MICALL1: variants seen among roughly 807,000 people sequenced by gnomAD.
The protein encoded by MICALL1 is MICAL like 1.
Under a neutral mutation model 83.7 loss-of-function variants are expected in MICALL1, and 61 were observed. The ratio of observed to expected loss-of-function variants is 0.73; its 90% CI spans 0.59 to 0.90. The LOEUF is 0.90. MICALL1 is among the 40% of genes least tolerant of loss of function. The pLI is 0.00. For synonymous variants in MICALL1, 481 were observed against 473.6 expected, an observed-to-expected ratio of 1.02 and a Z score of -0.20; for missense variants, 1,066 against 1,152.0, an observed-to-expected ratio of 0.93 and a Z score of 1.08.
Position 37,919,156 on chromosome 22 carries a change from C to G in MICALL1, c.547C>G (p.Leu183Val), listed in dbSNP as rs1480285132. ...GCAGCGCTACCTGGCTGACGGCAGG[C>G]TGTACCATCGCCACTGCTTCCGGTG... is the stretch of plus-strand genomic sequence containing the variant. ...LVQRYLADGR[L>V]YHRHCFRCRR... Residue 183 changes from leucine (L) to valine (V), a missense_variant, in exon 5 of 16, where the codon CTG (leucine) becomes GTG (valine). Leu to Val is a conservative substitution (Grantham distance 32). Coordinates refer to ENST00000215957, the MANE Select transcript of MICALL1 (RefSeq NM_033386.4). The G allele has an allele frequency of 1.5e-5, 23 of 1,545,936 alleles. No individual in the cohort carries two copies. The highest frequency in any genetic ancestry group is 1.9e-5 in the Non-Finnish European group (22 of 1,143,684).
In MICALL1 at chr22:37,937,212, G is replaced by A. The variant is rs747089778; in HGVS notation, c.2423+18G>A. On this transcript the variant is annotated intron_variant, in intron 14 of 15. Transcript: ENST00000215957. The stretch of plus-strand genomic sequence containing the variant: ...CGGCAGAGGTGACATGGCCAGGGGT[G>A]GGGGGTCCTGGGGGCAGGGCCAGAG... The A allele has an allele frequency of 3.9e-5, 60 of 1,533,660 alleles. No homozygotes were observed. The Admixed American group carries it at 1.1e-3, about 28-fold the overall frequency.
chr22:37,941,797 C>G lies in MICALL1; in HGVS notation c.*967C>G, dbSNP rs1930452019. ...CCGAAGGCCTGATGGCTACTCACCC[C>G]TCTGGGATGGCTATGGGAGAGGAGG... is the stretch of plus-strand genomic sequence containing the variant. On this transcript the variant is annotated 3_prime_UTR_variant, in exon 16 of 16. Coordinates refer to ENST00000215957, the MANE Select transcript of MICALL1 (RefSeq NM_033386.4). The G allele has an allele frequency of 6.6e-6, 1 of 152,452 alleles. No homozygotes were observed. The highest frequency in any genetic ancestry group is 2.1e-4 in the South Asian group (1 of 4,836). 9.4% of individuals were successfully genotyped at this position (152,452 alleles called of 1,614,324 possible). A position where few individuals can be genotyped will look rare whatever the true frequency, so the allele number is the denominator to read the frequency against.
Position 37,922,313 on chromosome 22 carries a change from C to A in MICALL1, c.911C>A (p.Ala304Asp). 6.5e-7 allele frequency: 1 copy of A among 1,536,028 alleles called. No homozygotes were observed. The highest frequency in any genetic ancestry group is 2.4e-5 in the East Asian group (1 of 41,092). ...CCCCCTGCGGGCCGCCCCACCCCTGCCCCCAGGAAGGCCTCTGAGAGCACC... is the reference window on the plus strand; with the variant it reads ...CCCCCTGCGGGCCGCCCCACCCCTGACCCCAGGAAGGCCTCTGAGAGCACC... ...ASPPAGRPTPAPRKASESTTP... is the reference protein window; with the variant it reads ...ASPPAGRPTPDPRKASESTTP... Residue 304 changes from alanine (A) to aspartate (D), a missense_variant, in exon 6 of 16, where the codon GCC (alanine) becomes GAC (aspartate). Coordinates refer to ENST00000215957, the MANE Select transcript of MICALL1 (RefSeq NM_033386.4).
intron 15 of MICALL1, among the ~76,000 whole-genome samples, chr22:37,939,308 C>T (rs569057385): frequency 1.1e-4 from 17 of 152,244 alleles, no homozygotes; most frequent in Admixed American, 3.3e-4. Context: ...AGCTGAGGGC[C>T]CTGGCCCTAC....
In MICALL1 at chr22:37,922,062, G is replaced by T; in HGVS notation, c.660G>T (p.Arg220Ser). 1.2e-6 allele frequency: 2 copies of T among 1,613,454 alleles called. No homozygotes were observed. Among genetic ancestry groups the T allele is most frequent in the Non-Finnish European group, 1.7e-6 (2 of 1,180,016 alleles). The change falls in exon 6 of 16, where the codon AGG (arginine) becomes AGT (serine). Residue 220 changes from arginine (R) to serine (S), a missense_variant. Physicochemically the swap from Arg to Ser is moderately radical, Grantham distance 110. Coordinates refer to ENST00000215957, the MANE Select transcript of MICALL1 (RefSeq NM_033386.4). ...GTFVCAEHCA[R>S]LGPGTRSGTR... is the part of the protein sequence containing the mutation. ...TTGTGTGTGCAGAACACTGTGCCAGGCTGGGCCCGGGGACACGGTCGGGGA... is the reference window on the plus strand; with the variant it reads ...TTGTGTGTGCAGAACACTGTGCCAGTCTGGGCCCGGGGACACGGTCGGGGA...
intron 3 of MICALL1, 147 bp downstream of exon 3, chr22:37,912,639 A>G (rs1206286743): frequency 5.5e-6 from 4 of 721,718 alleles, no homozygotes; most frequent in African/African-American, 1.8e-5. Context: ...ACTCATTGAA[A>G]TATTTCTTTT....
chr22:37,910,684 CTCTT>C (rs1928261610), intron 1 of MICALL1, among the ~76,000 whole-genome samples: 1 of 152,184 alleles, frequency 6.6e-6, no homozygotes, highest in Non-Finnish European at 1.5e-5. Flanking sequence ...CCTCAAGCAA[CTCTT>C]TCCTGCCCAG....
In MICALL1 at chr22:37,919,097, C is replaced by T. The variant is rs368318202; in HGVS notation, c.488C>T (p.Thr163Met). The T allele has an allele frequency of 1.7e-5, 27 of 1,551,986 alleles. No homozygotes were observed. The highest frequency in any genetic ancestry group is 9.5e-5 in the South Asian group (8 of 84,168). The change falls in exon 5 of 16, where the codon ACG becomes ATG. Residue 163 changes from threonine (T) to methionine (M), a missense_variant. By Grantham distance (81) the Thr-to-Met change is moderately conservative. Coordinates refer to ENST00000215957, the MANE Select transcript of MICALL1 (RefSeq NM_033386.4). Reference protein sequence around the residue: ...EQGTGQTPSSTCAACQQHVHL... With the variant: ...EQGTGQTPSSMCAACQQHVHL... The stretch of plus-strand genomic sequence containing the variant: ...GGCACCGGCCAGACCCCCAGCAGCA[C>T]GTGCGCAGCCTGCCAGCAGCATGTG...
intron 2 of MICALL1, 56 bp downstream of exon 2, chr22:37,912,056 T>G: frequency 6.3e-7 from 1 of 1,591,814 alleles, no homozygotes; most frequent in Non-Finnish European, 8.6e-7. Flanking sequence ...TGTGTGTGTG[T>G]GTGTGTGTTT....
At chr22:37,920,344 T>C (rs566705227) in intron 5 of MICALL1, among the ~76,000 whole-genome samples, 1 of 151,950 alleles carries the variant, frequency 6.6e-6, no homozygotes, top group Non-Finnish European at 1.5e-5. Flanking sequence ...AGTGTGCCCC[T>C]GAGTGGGGGG....
chr22:37,908,596 G>C (rs1034995709), intron 1 of MICALL1, among the ~76,000 whole-genome samples: 1 of 152,056 alleles, frequency 6.6e-6, no homozygotes, highest in Non-Finnish European at 1.5e-5. Context: ...CACCATGCCT[G>C]GCCCAATAAC....
chr22:37,915,575 A>G (rs916886181), intron 3 of MICALL1, among the ~76,000 whole-genome samples: 8 of 151,936 alleles, frequency 5.3e-5, no homozygotes, highest in Non-Finnish European at 1.2e-4. Context: ...CACCCATCTC[A>G]CAGGGTTGAC....
intron 8 of MICALL1, 50 bp downstream of exon 8, chr22:37,926,093 G>A (rs757209246): frequency 2.5e-5 from 38 of 1,522,882 alleles, no homozygotes; most frequent in Non-Finnish European, 3.4e-5. Context: ...CGGGGGTGGG[G>A]CCCGGGCCTG....
chr22:37,922,248 C>T lies in MICALL1; in HGVS notation c.846C>T (p.Thr282=). The T allele has an allele frequency of 8.8e-6, 14 of 1,597,378 alleles. No individual in the cohort carries two copies. The highest frequency in any genetic ancestry group is 1.2e-5 in the Non-Finnish European group (14 of 1,172,600). ...CTGAGGCCCGGCCGCAGATCCCTAC[C>T]AAGCCCCGGGTTCCTGGCAAACTAC... ...ASPEARPQIP[T]KPRVPGKLQE... is the part of the protein sequence containing the mutation. Residue 282 remains threonine (T), a synonymous_variant, in exon 6 of 16, where the codon ACC becomes ACT. Transcript: ENST00000215957.
Position 37,925,934 on chromosome 22 carries a change from C to A in MICALL1, c.1356C>A (p.His452Gln), listed in dbSNP as rs755149043. The change falls in exon 8 of 16, where the codon CAC (histidine) becomes CAA (glutamine). Residue 452 changes from histidine to glutamine, a missense_variant. His to Gln is a conservative substitution (Grantham distance 24). Transcript: ENST00000215957. The stretch of plus-strand genomic sequence containing the variant: ...TGGCCACCAGCCCTGCCCTGGGCCA[C>A]CCGGAGTCCACACCCAAGTCCCTGC... ...PSLATSPALG[H>Q]PESTPKSLHP... 2.2e-5 allele frequency: 35 copies of A among 1,613,232 alleles called. No individual in the cohort carries two copies. In the Middle Eastern group the frequency reaches 6.6e-4, roughly 30 times the overall value.
chr22:37,928,511 G>A (rs930269987), intron 9 of MICALL1, among the ~76,000 whole-genome samples: 3 of 152,172 alleles, frequency 2.0e-5, no homozygotes, highest in Non-Finnish European at 4.4e-5. Flanking sequence ...CGGCTGTCTA[G>A]GGCCTTTTCT....
In MICALL1 at chr22:37,906,530, C is replaced by G. The variant is rs1927952511; in HGVS notation, c.108C>G (p.Ala36=). 3 of 1,229,844 alleles carry G rather than the reference C, an allele frequency of 2.4e-6. No homozygotes were observed. Among genetic ancestry groups the G allele is most frequent in the Admixed American group, 4.0e-5 (1 of 25,274 alleles). 76.2% of individuals were successfully genotyped at this position (1,229,844 alleles called of 1,614,324 possible). ...GCAGCTCCTTCCGGGACGGCCTGGCCTTCTGCGCCATCCTGCACCGGCACC... is the reference window on the plus strand; with the variant it reads ...GCAGCTCCTTCCGGGACGGCCTGGCGTTCTGCGCCATCCTGCACCGGCACC... The part of the protein sequence containing the change: ...DLSSSFRDGL[A]FCAILHRHRP... The change falls in exon 1 of 16, where the codon GCC becomes GCG. Residue 36 remains alanine (A), a synonymous_variant. Transcript: ENST00000215957. The surrounding 1 kb of genome is among the most constrained non-coding windows in gnomAD (Gnocchi z 4.4).
Position 37,927,494 on chromosome 22 carries a change from G to C in MICALL1, c.1549G>C (p.Glu517Gln), listed in dbSNP as rs1415694496. Residue 517 changes from glutamate to glutamine, a missense_variant, in exon 9 of 16, where the codon GAG becomes CAG. Coordinates refer to ENST00000215957, the MANE Select transcript of MICALL1 (RefSeq NM_033386.4). ...PALSVESLSS[E>Q]SASQTAGAEL... ...GCTCAGCGTGGAGAGCCTGTCGTCT[G>C]AGAGCGCCAGCCAGACTGCAGGTGC... is the stretch of plus-strand genomic sequence containing the variant. 1 of 1,612,252 alleles carries C rather than the reference G, an allele frequency of 6.2e-7. No individual in the cohort carries two copies. Among genetic ancestry groups the C allele is most frequent in the Non-Finnish European group, 8.5e-7 (1 of 1,178,592 alleles).
intron 3 of MICALL1, among the ~76,000 whole-genome samples, chr22:37,913,473 G>A (rs1928470077): frequency 6.6e-6 from 1 of 152,252 alleles, no homozygotes; most frequent in Non-Finnish European, 1.5e-5. Context: ...CCTGTTTGCA[G>A]ACACTTCCTT....
Sources: gnomAD v4.1 joint callset for allele counts (sites outside exome capture counted in the v4.1 genomes callset) on GRCh38, gnomAD v4.1.1 for gene constraint, Gnocchi (gnomAD v3.1) non-coding constraint, MANE v1.5 for transcripts, NCBI Gene and HGNC (gene_info 2026-07-23, HGNC 2026-07-21) for gene names.